The following NAV1 variants were observed in gnomAD, a reference collection of about 807,000 sequenced individuals.
NAV1 encodes the protein neuron navigator 1, also known as pore membrane and/or filament interacting like protein 3.
NAV1 carries 18 observed loss-of-function variants against 175.2 expected under a neutral mutation model. The observed-to-expected ratio is 0.10, with a 90% CI of 0.07 to 0.15. The LOEUF is 0.15. Among genes scored for constraint, NAV1 ranks in the 10% least tolerant of loss-of-function variants. The pLI, the probability that NAV1 is intolerant of heterozygous loss-of-function variation, is 1.00. For missense variants in NAV1, 1,731 were observed against 2,436.6 expected (o/e 0.71, Z 6.10); for synonymous variants, 897 against 978.7 (o/e 0.92, Z 1.56).
At position 201,750,433 on chromosome 1, in the gene NAV1, AACAG is replaced by A. The variant is rs1340421530; in HGVS notation, c.1227-29986_1227-29983del. Among the ~76,000 whole-genome samples, 5 of 152,082 alleles carry A rather than the reference AACAG, an allele frequency of 3.3e-5. No homozygotes were observed. Among genetic ancestry groups the A allele is most frequent in the Non-Finnish European group, 7.4e-5 (5 of 68,024 alleles). Reference sequence around the variant, plus strand: ...ACTTGGTGACTCTGCCTCCCTTTCAAACAGAGCAGCCCTGTGTTTACCTGTTTCA... The same window carrying A: ...ACTTGGTGACTCTGCCTCCCTTTCAAAGCAGCCCTGTGTTTACCTGTTTCA... On this transcript the variant is annotated intron_variant, in intron 3 of 29. Transcript: ENST00000367296. The surrounding 1 kb of genome is among the most constrained non-coding windows in gnomAD (Gnocchi z 4.1).
chr1:201,767,151 C>T (rs996732468), intron 3 of NAV1, among the ~76,000 whole-genome samples: 10 of 145,164 alleles, frequency 6.9e-5, no homozygotes, highest in African/African-American at 2.2e-4. Context: ...ATAGTAGAAA[C>T]ATTTAAAAAA....
At position 201,813,103 on chromosome 1, in the gene NAV1, T is replaced by A; in HGVS notation, c.5222-37T>A. 6.8e-7 allele frequency: 1 copy of A among 1,468,030 alleles called. No homozygotes were observed. The highest frequency in any genetic ancestry group is 9.5e-7 in the Non-Finnish European group (1 of 1,049,486). The allele number at this position is 1,468,030 out of a possible 1,614,324, so 90.9% of individuals were successfully genotyped here. On this transcript the variant is annotated intron_variant, in intron 27 of 29. Coordinates refer to ENST00000367296, the Ensembl canonical transcript of NAV1. The surrounding 1 kb of genome is among the most constrained non-coding windows in gnomAD (Gnocchi z 4.2). Reference sequence around the variant, plus strand: ...AGGCACACAACCGGGAAGATCTAGGTTCCCAGCCATCTTCATGGCCCCATC... The same window carrying A: ...AGGCACACAACCGGGAAGATCTAGGATCCCAGCCATCTTCATGGCCCCATC...
chr1:201,755,260 T>C (rs114226976), intron 3 of NAV1, among the ~76,000 whole-genome samples: 1,762 of 151,832 alleles, frequency 0.012, 29 homozygotes, highest in African/African-American at 0.037. Flanking sequence ...GGGCAACAAA[T>C]TGAGGCCCCC....
intron 1 of NAV1, among the ~76,000 whole-genome samples, chr1:201,685,652 G>C (rs1319674565): frequency 6.6e-6 from 1 of 152,208 alleles, no homozygotes; most frequent in African/African-American, 2.4e-5. Flanking sequence ...CCTTGGCCCA[G>C]CAGCCAGTAC....
chr1:201,729,723 G>A (rs1234013922), intron 3 of NAV1, among the ~76,000 whole-genome samples: 2 of 151,930 alleles, frequency 1.3e-5, no homozygotes, highest in Non-Finnish European at 2.9e-5. Context: ...TGGCTAACAC[G>A]GTGAAACCCC....
At chr1:201,756,828 C>CTTTCTTTCTTTCTT in intron 3 of NAV1, among the ~76,000 whole-genome samples, 1 of 21,314 alleles carries the variant, frequency 4.7e-5, no homozygotes, top group Non-Finnish European at 5.2e-4. Context: ...TTCTTTCTTT[C>CTTTCTTTCTTTCTT]TTTCTTTCTT....
At chr1:201,665,072 T>C (rs1430993889) in intron 1 of NAV1, among the ~76,000 whole-genome samples, 24 of 152,306 alleles carry the variant, frequency 1.6e-4, no homozygotes, top group Admixed American at 1.5e-3. Context: ...GTTTGCACGC[T>C]GTCTGCCTTA....
intron 2 of NAV1, among the ~76,000 whole-genome samples, chr1:201,605,203 GT>G (rs1667641468): frequency 6.8e-6 from 1 of 147,756 alleles, no homozygotes; most frequent in African/African-American, 2.5e-5. Context: ...CCCCTAGGGT[GT>G]TTCTCTACTT....
chr1:201,809,318 C>A, intron 21 of NAV1, 57 bp downstream of exon 25: 3 of 1,600,538 alleles, frequency 1.9e-6, no homozygotes, highest in Non-Finnish European at 2.6e-6. Context: ...TACATTTATC[C>A]AAGAAAATCT....
chr1:201,679,162 G>T (rs939197115), intron 1 of NAV1, among the ~76,000 whole-genome samples: 1 of 152,200 alleles, frequency 6.6e-6, no homozygotes, highest in Non-Finnish European at 1.5e-5. Context: ...TTAAGGCAGA[G>T]GGAGGCCAGC....
chr1:201,717,374 C>A (rs1273505331), intron 2 of NAV1, among the ~76,000 whole-genome samples: 1 of 152,200 alleles, frequency 6.6e-6, no homozygotes, highest in African/African-American at 2.4e-5. Context: ...GTTATGGAGA[C>A]CCTGCCTGAG....
intron 1 of NAV1, among the ~76,000 whole-genome samples, chr1:201,564,907 C>T (rs1666306538): frequency 6.6e-6 from 1 of 152,214 alleles, no homozygotes; most frequent in Non-Finnish European, 1.5e-5. Context: ...TCAGGTCCTT[C>T]TCATGCTGCC....
intron 4 of NAV1, 38 bp from the exon 9 acceptor site, chr1:201,780,974 T>C: frequency 4.5e-6 from 7 of 1,556,020 alleles, no homozygotes; most frequent in South Asian, 1.3e-5. Context: ...CCCATCTGCA[T>C]AGAAGTATCT....
At chr1:201,588,032 A>G (rs1305873573) in intron 1 of NAV1, among the ~76,000 whole-genome samples, 1 of 152,244 alleles carries the variant, frequency 6.6e-6, no homozygotes, top group Non-Finnish European at 1.5e-5. Flanking sequence ...AAACATGGAG[A>G]TGAGATACAC....
At chr1:201,634,302 AGTGAT>A (rs966586190) in intron 2 of NAV1, among the ~76,000 whole-genome samples, 4 of 152,246 alleles carry the variant, frequency 2.6e-5, no homozygotes, top group African/African-American at 9.6e-5. Flanking sequence ...TATTGAGGCA[AGTGAT>A]GTTATTATCA....
At chr1:201,678,791 T>C (rs1670357214) in intron 1 of NAV1, among the ~76,000 whole-genome samples, 1 of 152,034 alleles carries the variant, frequency 6.6e-6, no homozygotes, top group Non-Finnish European at 1.5e-5. Context: ...CACACCTCCC[T>C]CTGTCTGTCC....
At chr1:201,796,922 C>A (rs1422098589) in intron 15 of NAV1, 1 of 152,200 alleles carries the variant, frequency 6.6e-6, no homozygotes, top group Non-Finnish European at 1.5e-5. Context: ...AAAATAGTTT[C>A]TCTCATTGTA....
intron 3 of NAV1, among the ~76,000 whole-genome samples, chr1:201,752,030 T>A (rs1210663195): frequency 6.6e-6 from 1 of 152,210 alleles, no homozygotes; most frequent in Non-Finnish European, 1.5e-5. Context: ...AGCTGGGTTT[T>A]CTCTCCAGTG....
At chr1:201,593,764 C>T (rs987703698) in intron 2 of NAV1, among the ~76,000 whole-genome samples, 1 of 152,202 alleles carries the variant, frequency 6.6e-6, no homozygotes, top group Non-Finnish European at 1.5e-5. Flanking sequence ...AACTGTGGCT[C>T]CTATTGGCCT....
Sources: gnomAD v4.1 joint callset for allele counts (sites outside exome capture counted in the v4.1 genomes callset) on GRCh38, gnomAD v4.1.1 for gene constraint, Gnocchi (gnomAD v3.1) non-coding constraint, MANE v1.5 for transcripts, NCBI Gene and HGNC (gene_info 2026-07-23, HGNC 2026-07-21) for gene names.